The following EPM2A variants were observed in gnomAD, a reference collection of about 807,000 sequenced individuals.
The protein encoded by EPM2A is EPM2A glucan phosphatase, laforin.
EPM2A carries 21 observed loss-of-function variants against 26.5 expected under a neutral mutation model. The ratio of observed to expected loss-of-function variants is 0.79; its 90% CI spans 0.56 to 1.14. The LOEUF (loss-of-function observed/expected upper bound fraction) is 1.14. Ranked by LOEUF, EPM2A falls within the 50% of genes most tolerant of loss-of-function variation. EPM2A has a pLI of 0.00. For synonymous variants in EPM2A, 217 were observed against 177.6 expected, an observed-to-expected ratio of 1.22 and a Z score of -1.76; for missense variants, 458 against 440.8, an observed-to-expected ratio of 1.04 and a Z score of -0.35.
chr6:145,537,007 G>A (rs561958576), intron 2 of EPM2A, among the ~76,000 whole-genome samples: 1 of 152,080 alleles, frequency 6.6e-6, no homozygotes, highest in Non-Finnish European at 1.5e-5. Flanking sequence ...ATTGGCTAGG[G>A]GTACATTTTT....
At chr6:145,717,494 T>A (rs1236437424) in intron 1 of EPM2A, among the ~76,000 whole-genome samples, 2 of 152,156 alleles carry the variant, frequency 1.3e-5, no homozygotes, top group Non-Finnish European at 2.9e-5. Flanking sequence ...ATCTATGACA[T>A]ACCCACAGCT....
Position 145,593,948 on chromosome 6 carries a change from A to G in EPM2A, c.340+41297T>C, listed in dbSNP as rs1482219168. Among the ~76,000 whole-genome samples the G allele has an allele frequency of 3.3e-5, 5 of 151,584 alleles. 1 individual carries two copies. The highest frequency in any genetic ancestry group is 3.3e-4 in the Admixed American group (5 of 15,248). On this transcript the variant is annotated intron_variant, in intron 2 of 3. Transcript: ENST00000450221. ...GAAAATCAAAGAAATTAAAATATAA[A>G]ACAATAGAAAAAAACAACAAAAGCT...
chr6:145,487,321 C>A (rs1779691308), intron 4 of EPM2A, among the ~76,000 whole-genome samples: 1 of 152,064 alleles, frequency 6.6e-6, no homozygotes, highest in Non-Finnish European at 1.5e-5. Flanking sequence ...TGTGTCTTTA[C>A]AACATATGGA....
At chr6:145,564,983 C>T (rs929705717) in intron 2 of EPM2A, among the ~76,000 whole-genome samples, 1 of 152,186 alleles carries the variant, frequency 6.6e-6, no homozygotes, top group African/African-American at 2.4e-5. Flanking sequence ...TGTCAGTGGG[C>T]ATCTCTGAAG....
intron 1 of EPM2A, among the ~76,000 whole-genome samples, chr6:145,715,663 C>T (rs55746945): frequency 0.067 from 10,185 of 152,162 alleles, 1,142 homozygotes; most frequent in African/African-American, 0.23. Flanking sequence ...GTGAACTCTG[C>T]GTCCTGTCAG....
intron 1 of EPM2A, among the ~76,000 whole-genome samples, chr6:145,725,238 T>C (rs1265191874): frequency 6.6e-6 from 1 of 152,006 alleles, no homozygotes; most frequent in Non-Finnish European, 1.5e-5. Context: ...ATCTAAACAA[T>C]GAGATACCAC....
At chr6:145,403,741 C>G (rs1294715309) in intron 4 of EPM2A, among the ~76,000 whole-genome samples, 3 of 152,084 alleles carry the variant, frequency 2.0e-5, no homozygotes, top group African/African-American at 7.2e-5. Flanking sequence ...GCAGCTAGCT[C>G]TTTAATATAA....
chr6:145,583,478 G>A (rs899016444), intron 2 of EPM2A, among the ~76,000 whole-genome samples: 12 of 152,190 alleles, frequency 7.9e-5, no homozygotes, highest in African/African-American at 2.7e-4. Flanking sequence ...AGGGCTGGTA[G>A]TAGGTGCCTG....
At chr6:145,599,042 T>G (rs796185537) in intron 2 of EPM2A, among the ~76,000 whole-genome samples, 7 of 152,314 alleles carry the variant, frequency 4.6e-5, no homozygotes, top group African/African-American at 1.7e-4. Flanking sequence ...GGTAACATGA[T>G]GTCTCTAGCT....
chr6:145,709,556 GGAACT>G lies in EPM2A; in HGVS notation c.302-23265_302-23261del, dbSNP rs1782423607. Reference sequence around the variant, plus strand: ...GATTATGAGGCCTCCCCAGCCATGTGGAACTGTGAGTCAATAAAAGCTCTTTTCTT... The same window carrying G: ...GATTATGAGGCCTCCCCAGCCATGTGGTGAGTCAATAAAAGCTCTTTTCTT... On this transcript the variant is annotated intron_variant, in intron 1 of 3. Coordinates refer to ENST00000367519, the MANE Select transcript of EPM2A (RefSeq NM_005670.4). 2.0e-5 allele frequency among the ~76,000 whole-genome samples: 3 copies of G among 152,274 alleles called. No homozygotes were observed. In the South Asian group the frequency reaches 6.2e-4, roughly 32 times the overall value.
chr6:145,502,541 C>T (rs972868378), exon 3 of EPM2A: 1 of 470,650 alleles, frequency 2.1e-6, no homozygotes, highest in Admixed American at 2.3e-5. Context: ...CTTCCCACAT[C>T]CCCGAGCAGC....
At chr6:145,607,299 G>A (rs748745839) in intron 2 of EPM2A, among the ~76,000 whole-genome samples, 10 of 152,142 alleles carry the variant, frequency 6.6e-5, no homozygotes, top group Non-Finnish European at 1.3e-4. Flanking sequence ...TGTATCATGG[G>A]AGCTTGGGAC....
chr6:145,500,617 T>G (rs1779876788), downstream of EPM2A, among the ~76,000 whole-genome samples: 1 of 152,178 alleles, frequency 6.6e-6, no homozygotes, highest in African/African-American at 2.4e-5. Context: ...ACACCAAATT[T>G]GCTCATATGA....
intron 4 of EPM2A, among the ~76,000 whole-genome samples, chr6:145,415,006 C>A (rs1431478468): frequency 6.6e-6 from 1 of 152,204 alleles, no homozygotes; most frequent in African/African-American, 2.4e-5. Context: ...TTCTTGTTCA[C>A]TCTACCTGTG....
At chr6:145,639,822 ATATAGTCC>A (rs920082345) in intron 2 of EPM2A, 2 of 152,240 alleles carry the variant, frequency 1.3e-5, no homozygotes, top group African/African-American at 4.8e-5. Context: ...CAAATATTTA[ATATAGTCC>A]TATGCATAAG....
chr6:145,498,705 T>C (rs923530933), downstream of EPM2A, among the ~76,000 whole-genome samples: 6 of 152,168 alleles, frequency 3.9e-5, no homozygotes, highest in Non-Finnish European at 5.9e-5. Flanking sequence ...GTTTCCTTGA[T>C]CAGCCCCAGT....
downstream of EPM2A, among the ~76,000 whole-genome samples, chr6:145,622,578 A>G (rs1180229234): frequency 6.6e-6 from 1 of 152,218 alleles, no homozygotes; most frequent in Non-Finnish European, 1.5e-5. Context: ...AGAAATGGGA[A>G]ATTTAGACAC....
chr6:145,523,944 A>T (rs1780236826), intron 2 of EPM2A, among the ~76,000 whole-genome samples: 1 of 151,994 alleles, frequency 6.6e-6, no homozygotes, highest in African/African-American at 2.4e-5. Flanking sequence ...TCTGTCTCCC[A>T]CCTCTAGTGG....
chr6:145,489,875 G>T, intron 4 of EPM2A: 1 of 1,392,818 alleles, frequency 7.2e-7, no homozygotes, highest in Non-Finnish European at 1.0e-6. Flanking sequence ...TCAAAGTGAA[G>T]CTTCTCTACG....
Sources: gnomAD v4.1 joint callset for allele counts (sites outside exome capture counted in the v4.1 genomes callset) on GRCh38, gnomAD v4.1.1 for gene constraint, MANE v1.5 for transcripts, NCBI Gene and HGNC (gene_info 2026-07-23, HGNC 2026-07-21) for gene names.